The following CPQ variants were observed in gnomAD, a reference collection of about 807,000 sequenced individuals.
CPQ encodes Ser-Met dipeptidase.
In CPQ, 37 loss-of-function variants were observed where a neutral mutation model predicts 45.7. That is an observed-to-expected ratio of 0.81 (90% CI 0.62 to 1.07). The LOEUF (loss-of-function observed/expected upper bound fraction) is 1.07, where lower values mean the gene tolerates loss of function less well. CPQ is among the 50% of genes least tolerant of loss of function. The pLI, the probability that CPQ is intolerant of heterozygous loss-of-function variation, is 0.00. For synonymous variants in CPQ, 186 were observed against 205.8 expected (o/e 0.90, Z 0.82); for missense variants, 537 against 572.9 (o/e 0.94, Z 0.64).
intron 1 of CPQ, among the ~76,000 whole-genome samples, chr8:96,758,465 C>A (rs190150176): frequency 6.6e-6 from 1 of 152,156 alleles, no homozygotes; most frequent in African/African-American, 2.4e-5. Flanking sequence ...ACTGATGATA[C>A]ATTAAATGGA....
At chr8:96,745,449 G>A (rs1810167127) in intron 1 of CPQ, among the ~76,000 whole-genome samples, 1 of 152,164 alleles carries the variant, frequency 6.6e-6, no homozygotes, top group Admixed American at 6.5e-5. Flanking sequence ...GCAAATGACA[G>A]AACTAGAGCA....
intron 3 of CPQ, among the ~76,000 whole-genome samples, chr8:96,877,514 A>G (rs968215088): frequency 4.6e-5 from 7 of 152,230 alleles, no homozygotes; most frequent in South Asian, 2.1e-4. Flanking sequence ...TAATATGAAT[A>G]ATAAATATTT....
intron 1 of CPQ, among the ~76,000 whole-genome samples, chr8:96,769,475 C>T (rs1036321608): frequency 1.8e-4 from 27 of 152,122 alleles, no homozygotes; most frequent in African/African-American, 6.5e-4. Context: ...GACCCCTGTT[C>T]TCCAGGGCAG....
rs527763743 is a variant in CPQ at position 96,991,908 on chromosome 8, C to CCCATAGTG, written c.961+25863_961+25870dup. ...ATTGAGAAGGAACTGAGTCAAAAGA[C>CCCATAGTG]CCATAGTGGATCAGCAGAGACCAAC... On this transcript the variant is annotated intron_variant, in intron 5 of 7. Coordinates refer to ENST00000220763, the MANE Select transcript of CPQ (RefSeq NM_016134.4). Among the ~76,000 whole-genome samples, 859 of 152,248 alleles carry CCCATAGTG rather than the reference C, an allele frequency of 5.6e-3. 5 individuals carry two copies. The highest frequency in any genetic ancestry group is 0.01 in the Non-Finnish European group (706 of 68,006).
At chr8:97,038,450 T>C (rs1810039918) in intron 6 of CPQ, among the ~76,000 whole-genome samples, 1 of 152,120 alleles carries the variant, frequency 6.6e-6, no homozygotes, top group South Asian at 2.1e-4. Context: ...TGCATGAACT[T>C]CCTGAGGAAA....
In CPQ at chr8:96,832,898, C is replaced by T. The variant is rs866770185; in HGVS notation, c.434-2075C>T. On this transcript the variant is annotated intron_variant, in intron 2 of 7. Coordinates refer to ENST00000220763, the MANE Select transcript of CPQ (RefSeq NM_016134.4). Reference sequence around the variant, plus strand: ...TCTTCAGTAGTTTGACTTGTTCACTCTGGCAGCTCTGTGAAGGTAAAAAGG... The same window carrying T: ...TCTTCAGTAGTTTGACTTGTTCACTTTGGCAGCTCTGTGAAGGTAAAAAGG... Among the ~76,000 whole-genome samples, 36 of 152,086 alleles carry T rather than the reference C, an allele frequency of 2.4e-4. 1 individual carries two copies. Among genetic ancestry groups the T allele is most frequent in the Admixed American group, 2.4e-3 (36 of 15,268 alleles).
intron 7 of CPQ, among the ~76,000 whole-genome samples, chr8:97,116,134 A>G (rs971840775): frequency 1.3e-5 from 2 of 152,210 alleles, no homozygotes; most frequent in Admixed American, 1.3e-4. Flanking sequence ...GAAATAGGAA[A>G]AGTTAAGACC....
At chr8:96,656,709 C>T (rs1815642116) in intron 1 of CPQ, among the ~76,000 whole-genome samples, 1 of 152,164 alleles carries the variant, frequency 6.6e-6, no homozygotes, top group African/African-American at 2.4e-5. Flanking sequence ...CTGAGGCTGG[C>T]CGTCTAAAGA....
chr8:96,996,530 T>C (rs1482306439), intron 5 of CPQ, among the ~76,000 whole-genome samples: 3 of 152,094 alleles, frequency 2.0e-5, no homozygotes, highest in Non-Finnish European at 4.4e-5. Context: ...GTACAAAATC[T>C]GTTTTATCCT....
intron 1 of CPQ, among the ~76,000 whole-genome samples, chr8:96,718,552 C>T (rs771767756): frequency 1.3e-5 from 2 of 152,046 alleles, no homozygotes; most frequent in Non-Finnish European, 2.9e-5. Context: ...CAGTGTGGAC[C>T]CAAAGAGTGA....
intron 7 of CPQ, among the ~76,000 whole-genome samples, chr8:97,075,206 A>G (rs1199927347): frequency 6.6e-6 from 1 of 152,170 alleles, no homozygotes; most frequent in Non-Finnish European, 1.5e-5. Flanking sequence ...GCTCCATTGT[A>G]TGTACTATAA....
At chr8:96,880,470 A>G (rs887601510) in intron 4 of CPQ, among the ~76,000 whole-genome samples, 1 of 147,702 alleles carries the variant, frequency 6.8e-6, no homozygotes. Context: ...CATGGAATCA[A>G]CCTAGGTGCC....
intron 1 of CPQ, among the ~76,000 whole-genome samples, chr8:96,749,005 T>C (rs903645741): frequency 6.6e-6 from 1 of 152,156 alleles, no homozygotes; most frequent in African/African-American, 2.4e-5. Context: ...CTCTCCTCTA[T>C]ATTTTCCAGA....
In CPQ at chr8:97,137,777, A is replaced by AAATT. The variant is rs545116120; in HGVS notation, c.1256-5241_1256-5238dup. Among the ~76,000 whole-genome samples, 927 of 152,286 alleles carry AAATT rather than the reference A, an allele frequency of 6.1e-3. 2 individuals carry two copies. Among genetic ancestry groups the AAATT allele is most frequent in the Middle Eastern group, 0.02 (6 of 294 alleles). ...ACTCCTTCTCTACTAAAAATACAAA[A>AAATT]AATTAGCTGGGCGTGGTGGCAGGCG... On this transcript the variant is annotated intron_variant, in intron 7 of 7. Transcript: ENST00000220763.
intron 4 of CPQ, among the ~76,000 whole-genome samples, chr8:96,958,139 CCTT>C (rs2130349781): frequency 6.6e-6 from 1 of 152,196 alleles, no homozygotes; most frequent in South Asian, 2.1e-4. Context: ...CCATGCTCGG[CCTT>C]CTTCTTTTCT....
intron 3 of CPQ, among the ~76,000 whole-genome samples, chr8:96,846,810 T>C (rs1013969183): frequency 1.3e-5 from 2 of 152,232 alleles, no homozygotes; most frequent in Admixed American, 6.5e-5. Context: ...ATGTTGTTGA[T>C]CTTTTCTTTC....
intron 7 of CPQ, among the ~76,000 whole-genome samples, chr8:97,091,856 A>G (rs1811131906): frequency 6.6e-6 from 1 of 151,294 alleles, no homozygotes; most frequent in South Asian, 2.1e-4. Context: ...GGATGGATAG[A>G]TGGATGGATG....
At chr8:96,917,383 C>G (rs11986730) in intron 4 of CPQ, among the ~76,000 whole-genome samples, 1 of 152,036 alleles carries the variant, frequency 6.6e-6, no homozygotes, top group African/African-American at 2.4e-5. Flanking sequence ...TTGGCCATGG[C>G]CATTGGGAAC....
intron 6 of CPQ, among the ~76,000 whole-genome samples, chr8:97,041,414 A>G (rs576852246): frequency 2.2e-3 from 342 of 152,294 alleles, no homozygotes; most frequent in African/African-American, 7.6e-3. Context: ...TAGATATACA[A>G]TCATATCACC....
Sources: gnomAD v4.1 joint callset for allele counts (sites outside exome capture counted in the v4.1 genomes callset) on GRCh38, gnomAD v4.1.1 for gene constraint, MANE v1.5 for transcripts, NCBI Gene and HGNC (gene_info 2026-07-23, HGNC 2026-07-21) for gene names.